The following NXN variants were observed in gnomAD, a reference collection of about 807,000 sequenced individuals.
The protein encoded by NXN is nucleoredoxin, also known as nucleoredoxin 1.
Under a neutral mutation model 48.6 loss-of-function variants are expected in NXN, and 16 were observed. The ratio of observed to expected loss-of-function variants is 0.33; its 90% CI spans 0.22 to 0.50. The LOEUF (loss-of-function observed/expected upper bound fraction) is 0.50. NXN is among the 20% of genes least tolerant of loss of function. NXN has a pLI of 0.98. For missense variants in NXN, 492 were observed against 605.5 expected (o/e 0.81, Z 1.97); for synonymous variants, 281 against 269.6 (o/e 1.04, Z -0.41).
chr17:911,761 CG>C (rs2068639000), intron 1 of NXN, among the ~76,000 whole-genome samples: 5 of 134,510 alleles, frequency 3.7e-5, no homozygotes, highest in Admixed American at 3.7e-4. Flanking sequence ...CCACAGGGCC[CG>C]GCCAATTTTT....
At position 825,906 on chromosome 17, in the gene NXN, T is replaced by C. The variant is rs1913074406; in HGVS notation, c.478+55A>G. ...TGGGACGGAGATTAGCCTAAGGGCA[T>C]GGAGGAGGGAGGGCTGGGTAATAAG... On this transcript the variant is annotated intron_variant, in intron 2 of 7. Coordinates refer to ENST00000336868, the MANE Select transcript of NXN (RefSeq NM_022463.5). This position sits in a 1 kb window ranked among gnomAD's most constrained non-coding sequence, Gnocchi z 4.1. 1.8e-6 allele frequency: 2 copies of C among 1,115,306 alleles called. No homozygotes were observed. The highest frequency in any genetic ancestry group is 1.4e-5 in the South Asian group (1 of 72,138). The allele number at this position is 1,115,306 out of a possible 1,614,324, so 69.1% of individuals were successfully genotyped here. A position where few individuals can be genotyped will look rare whatever the true frequency, so the allele number is the denominator to read the frequency against.
chr17:934,873 A>T (rs1455285137), intron 1 of NXN, among the ~76,000 whole-genome samples: 1 of 152,128 alleles, frequency 6.6e-6, no homozygotes, highest in Non-Finnish European at 1.5e-5. Context: ...CGCCATCTCA[A>T]AAAAAAGAAA....
At chr17:897,288 A>G (rs2068496930) in intron 1 of NXN, among the ~76,000 whole-genome samples, 2 of 152,188 alleles carry the variant, frequency 1.3e-5, no homozygotes, top group South Asian at 4.1e-4. Flanking sequence ...CATCAAAATG[A>G]CAGCAGAGAC....
intron 5 of NXN, among the ~76,000 whole-genome samples, chr17:815,095 G>A (rs367843609): frequency 4.6e-5 from 7 of 152,296 alleles, no homozygotes; most frequent in East Asian, 1.9e-4. Context: ...GAGTCTTCTA[G>A]GTGCTAAAGC....
intron 1 of NXN, among the ~76,000 whole-genome samples, chr17:882,438 C>T (rs1198179298): frequency 6.7e-6 from 1 of 150,060 alleles, no homozygotes; most frequent in African/African-American, 2.5e-5. Flanking sequence ...CCCCAACTGC[C>T]TCAATTGCAG....
intron 1 of NXN, among the ~76,000 whole-genome samples, chr17:967,852 G>T (rs1178246402): frequency 1.3e-5 from 2 of 151,962 alleles, no homozygotes; most frequent in Non-Finnish European, 2.9e-5. Context: ...GGCACCTGTA[G>T]TCCCAGCTAC....
chr17:919,381 G>A lies in NXN; in HGVS notation c.360+59938C>T, dbSNP rs77122338. ...TGTCTCAAAACAAAACAAAAAAAAG[G>A]TTCTGGAATGATTATTCCAATTAAA... On this transcript the variant is annotated intron_variant, in intron 1 of 7. Transcript: ENST00000336868. The surrounding 1 kb of genome is among the most constrained non-coding windows in gnomAD (Gnocchi z 5.1). Among the ~76,000 whole-genome samples, 2 of 152,048 alleles carry A rather than the reference G, an allele frequency of 1.3e-5. No homozygotes were observed. Among genetic ancestry groups the A allele is most frequent in the Middle Eastern group, 3.4e-3 (1 of 294 alleles).
intron 1 of NXN, among the ~76,000 whole-genome samples, chr17:827,340 T>G (rs1913170103): frequency 6.7e-6 from 1 of 149,186 alleles, no homozygotes. Context: ...TAGCTGGACG[T>G]GGCCGGGTGC....
chr17:828,894 T>A (rs1913289540), intron 1 of NXN, among the ~76,000 whole-genome samples: 1 of 128,292 alleles, frequency 7.8e-6, no homozygotes, highest in African/African-American at 3.4e-5. Context: ...TGAATTTTTC[T>A]GGTTTAAAAA....
chr17:818,051 G>A (rs978030076), intron 5 of NXN, among the ~76,000 whole-genome samples: 1 of 152,112 alleles, frequency 6.6e-6, no homozygotes, highest in Non-Finnish European at 1.5e-5. Flanking sequence ...TTGAGCCCAT[G>A]AGTTCGAGAC....
intron 1 of NXN, among the ~76,000 whole-genome samples, 185 bp from the exon 2 acceptor site, chr17:826,263 C>A (rs191942394): frequency 6.6e-6 from 1 of 151,900 alleles, no homozygotes; most frequent in Admixed American, 6.6e-5. Flanking sequence ...CACTGCCCCC[C>A]GGGGTCTGTG....
intron 1 of NXN, among the ~76,000 whole-genome samples, chr17:939,534 T>C (rs1232866866): frequency 6.6e-6 from 1 of 152,034 alleles, no homozygotes; most frequent in Non-Finnish European, 1.5e-5. Flanking sequence ...TTAGTAGAGA[T>C]GGGGTTTCAC....
At position 891,936 on chromosome 17, in the gene NXN, G is replaced by A. The variant is rs1475452474; in HGVS notation, c.361-65858C>T. Among the ~76,000 whole-genome samples, 517 of 115,854 alleles carry A rather than the reference G, an allele frequency of 4.5e-3. 1 individual carries two copies. Among genetic ancestry groups the A allele is most frequent in the South Asian group, 0.01 (26 of 2,514 alleles). The allele number at this position is 115,854 out of a possible 152,430, so 76.0% of individuals were successfully genotyped here. On this transcript the variant is annotated intron_variant, in intron 1 of 7. Coordinates refer to ENST00000336868, the MANE Select transcript of NXN (RefSeq NM_022463.5). ...TAACCCCACCATGCACAACCCAACAGGGAACCTAAACTAACCCCACCATGC... is the reference window on the plus strand; with the variant it reads ...TAACCCCACCATGCACAACCCAACAAGGAACCTAAACTAACCCCACCATGC...
At chr17:942,519 G>A (rs370928784) in intron 1 of NXN, among the ~76,000 whole-genome samples, 5,007 of 33,304 alleles carry the variant, frequency 0.15, 219 homozygotes, top group East Asian at 0.27. Context: ...ATTCCAGGGC[G>A]CAGCCATGAA....
chr17:947,883 C>CAAAAAAA (rs71145800), intron 1 of NXN, among the ~76,000 whole-genome samples: 11 of 119,246 alleles, frequency 9.2e-5, no homozygotes, highest in East Asian at 2.5e-4. Flanking sequence ...TACTGAAATA[C>CAAAAAAA]AAAAAAAAAA....
chr17:960,788 ATTT>A (rs1159400723), intron 1 of NXN, among the ~76,000 whole-genome samples: 1 of 138,184 alleles, frequency 7.2e-6, no homozygotes, highest in Non-Finnish European at 1.6e-5. Context: ...AATTAACTCG[ATTT>A]TTTTTTTTTT....
Position 864,129 on chromosome 17 carries a change from G to A in NXN, c.361-38051C>T, listed in dbSNP as rs562784207. The A allele has an allele frequency of 1.2e-5, 17 of 1,444,602 alleles. 1 individual carries two copies. In the South Asian group the frequency reaches 2.3e-4, roughly 20 times the overall value. The allele number at this position is 1,444,602 out of a possible 1,614,324, so 89.5% of individuals were successfully genotyped here. A position where few individuals can be genotyped will look rare whatever the true frequency, so the allele number is the denominator to read the frequency against. Reference sequence around the variant, plus strand: ...GCACGTTTACCGTTGCTCACTTCCGGTGAAGGGGCACGTTCACCGTTGCTC... The same window carrying A: ...GCACGTTTACCGTTGCTCACTTCCGATGAAGGGGCACGTTCACCGTTGCTC... On this transcript the variant is annotated intron_variant, in intron 1 of 7. Coordinates refer to ENST00000336868, the MANE Select transcript of NXN (RefSeq NM_022463.5).
chr17:884,212 C>G (rs1232812593), intron 1 of NXN, among the ~76,000 whole-genome samples: 1 of 129,148 alleles, frequency 7.7e-6, no homozygotes, highest in East Asian at 2.0e-4. Context: ...CTGAGCAAGA[C>G]TCTGACTCAA....
intron 1 of NXN, among the ~76,000 whole-genome samples, chr17:848,346 G>GC (rs1321616694): frequency 6.6e-6 from 1 of 152,162 alleles, no homozygotes; most frequent in African/African-American, 2.4e-5. Flanking sequence ...CACCATGTTG[G>GC]CCAGGGCTGG....
Sources: gnomAD v4.1 joint callset for allele counts (sites outside exome capture counted in the v4.1 genomes callset) on GRCh38, gnomAD v4.1.1 for gene constraint, Gnocchi (gnomAD v3.1) non-coding constraint, MANE v1.5 for transcripts, NCBI Gene and HGNC (gene_info 2026-07-23, HGNC 2026-07-21) for gene names.